The following XRN2 variants were observed in gnomAD, a reference collection of about 807,000 sequenced individuals.
XRN2 encodes 5'-3' exoribonuclease 2, also known as DHM1-like protein.
In XRN2, 44 loss-of-function variants were observed where a neutral mutation model predicts 138.5. The observed-to-expected ratio is 0.32, with a 90% confidence interval of 0.25 to 0.41. XRN2 has a LOEUF of 0.41. Ranked by LOEUF, XRN2 falls within the 10% of genes least tolerant of loss-of-function variation. XRN2 has a pLI of 1.00. For synonymous variants in XRN2, 354 were observed against 369.4 expected (o/e 0.96, Z 0.48); for missense variants, 937 against 1,169.3 (o/e 0.80, Z 2.90).
chr20:21,361,499 A>G (rs2038636768), intron 24 of XRN2, among the ~76,000 whole-genome samples: 1 of 152,198 alleles, frequency 6.6e-6, no homozygotes, highest in Non-Finnish European at 1.5e-5. Context: ...TCTAAACACA[A>G]GTCTCTTACC....
intron 24 of XRN2, among the ~76,000 whole-genome samples, 193 bp from the exon 25 acceptor site, chr20:21,365,228 G>T (rs1271484899): frequency 6.6e-6 from 1 of 152,130 alleles, no homozygotes; most frequent in Non-Finnish European, 1.5e-5. Flanking sequence ...TTCCCTCAGA[G>T]AAAGTTACAT....
intron 27 of XRN2, among the ~76,000 whole-genome samples, chr20:21,380,646 G>A (rs867090537): frequency 1.3e-5 from 2 of 152,202 alleles, no homozygotes; most frequent in African/African-American, 2.4e-5. Flanking sequence ...AATAAAAAAG[G>A]AACTTAATTC....
intron 8 of XRN2, 85 bp downstream of exon 8, chr20:21,331,903 G>C: frequency 6.8e-7 from 1 of 1,470,970 alleles, no homozygotes; most frequent in South Asian, 1.2e-5. Flanking sequence ...ATTATTCATG[G>C]TTACCTGGAA....
intron 4 of XRN2, among the ~76,000 whole-genome samples, chr20:21,330,066 G>A (rs1278830766): frequency 6.6e-6 from 1 of 152,056 alleles, no homozygotes; most frequent in Non-Finnish European, 1.5e-5. Context: ...GCAGATGACT[G>A]GAGGTCAGGA....
At chr20:21,331,684 A>T in intron 7 of XRN2, 51 bp downstream of exon 7, 1 of 1,597,540 alleles carries the variant, frequency 6.3e-7, no homozygotes, top group Non-Finnish European at 8.5e-7. Context: ...TTAAAAAGCC[A>T]TTGCATAGAA....
intron 27 of XRN2, 35 bp downstream of exon 27, chr20:21,368,625 A>C: frequency 6.2e-7 from 1 of 1,608,006 alleles, no homozygotes; most frequent in Non-Finnish European, 8.5e-7. Flanking sequence ...TTACATTATA[A>C]ATTAAATATC....
chr20:21,362,713 G>A (rs1321243030), intron 24 of XRN2, among the ~76,000 whole-genome samples: 1 of 152,080 alleles, frequency 6.6e-6, no homozygotes, highest in Admixed American at 6.5e-5. Context: ...CCCCACTTCT[G>A]CTCAAATGCG....
At chr20:21,389,143 C>A in intron 29 of XRN2, 130 bp from the exon 30 acceptor site, 1 of 745,710 alleles carries the variant, frequency 1.3e-6, no homozygotes, top group Non-Finnish European at 2.1e-6. Context: ...TTTATGGGGC[C>A]TTTCCATGTG....
intron 13 of XRN2, among the ~76,000 whole-genome samples, chr20:21,336,317 C>T (rs1299801877): frequency 6.6e-6 from 1 of 152,068 alleles, no homozygotes; most frequent in Non-Finnish European, 1.5e-5. Flanking sequence ...AAAATTTAAG[C>T]TGGGCGTGGT....
At chr20:21,342,161 C>T (rs1230085241) in intron 15 of XRN2, among the ~76,000 whole-genome samples, 1 of 152,064 alleles carries the variant, frequency 6.6e-6, no homozygotes, top group African/African-American at 2.4e-5. Flanking sequence ...GTCAAATTAC[C>T]AGTTTATTTA....
chr20:21,381,984 T>G lies in XRN2; in HGVS notation c.2585-10T>G. 1 of 1,605,526 alleles carries G rather than the reference T, an allele frequency of 6.2e-7. No homozygotes were observed. Among genetic ancestry groups the G allele is most frequent in the Non-Finnish European group, 8.5e-7 (1 of 1,176,258 alleles). ...AAAATCTTCTTAACCCTTTCCTGTT[T>G]CTTTTTCAGATATGAGGCCCCAGGA... On this transcript the variant is annotated splice_polypyrimidine_tract_variant and intron_variant, in intron 27 of 29. Transcript: ENST00000377191.
chr20:21,316,146 C>T (rs2037956138), intron 1 of XRN2, among the ~76,000 whole-genome samples: 1 of 152,088 alleles, frequency 6.6e-6, no homozygotes, highest in Non-Finnish European at 1.5e-5. Flanking sequence ...CCCAGCTACT[C>T]AGGAGGCTGG....
Position 21,317,651 on chromosome 20 carries a change from T to G in XRN2, c.76-8628T>G, listed in dbSNP as rs371482196. On this transcript the variant is annotated intron_variant, in intron 1 of 29. Transcript: ENST00000377191. The stretch of plus-strand genomic sequence containing the variant: ...ACATCTTCTCGTATATTTTAAATAG[T>G]CTCTGGGTTACTTAAATACCTGGTA... 6.6e-5 allele frequency among the ~76,000 whole-genome samples: 10 copies of G among 152,186 alleles called. No homozygotes were observed. In the East Asian group the frequency reaches 1.5e-3, roughly 23 times the overall value.
chr20:21,364,797 C>G (rs1164267873), intron 24 of XRN2, among the ~76,000 whole-genome samples: 1 of 144,392 alleles, frequency 6.9e-6, no homozygotes, highest in East Asian at 2.0e-4. Flanking sequence ...CAGGGCGAGA[C>G]CTGTCTCAAA....
At chr20:21,315,013 C>T (rs966219000) in intron 1 of XRN2, among the ~76,000 whole-genome samples, 1 of 152,152 alleles carries the variant, frequency 6.6e-6, no homozygotes, top group African/African-American at 2.4e-5. Context: ...GGAGAGGAAC[C>T]CTGAAAGGCA....
In XRN2 at chr20:21,349,385, A is replaced by G. The variant is rs1228997009; in HGVS notation, c.1864-4A>G. On this transcript the variant is annotated splice_region_variant and splice_polypyrimidine_tract_variant and intron_variant, in intron 19 of 29. Transcript: ENST00000377191. ...TTGATTCTTTACTTTTCTCCCTAAT[A>G]TAGGATTCTAGTATAATTGACTTCT... 5 of 1,562,686 alleles carry G rather than the reference A, an allele frequency of 3.2e-6. No homozygotes were observed. In the South Asian group the frequency reaches 3.4e-5, roughly 11 times the overall value.
Position 21,339,095 on chromosome 20 carries a change from TTTAA to T in XRN2, c.1278+14_1278+17del. ...AAAAAGAAAGAGAATGAAGGTGAGT[TTTAA>T]TTAATTTCATGAGATTGGCAATAGC... On this transcript the variant is annotated splice_region_variant and intron_variant, in intron 14 of 29. Coordinates refer to ENST00000377191, the MANE Select transcript of XRN2 (RefSeq NM_012255.5). 4 of 1,603,162 alleles carry T rather than the reference TTTAA, an allele frequency of 2.5e-6. No individual in the cohort carries two copies. Among genetic ancestry groups the T allele is most frequent in the Non-Finnish European group, 3.4e-6 (4 of 1,173,312 alleles).
At chr20:21,350,296 G>C (rs2038490108) in intron 20 of XRN2, among the ~76,000 whole-genome samples, 1 of 152,060 alleles carries the variant, frequency 6.6e-6, no homozygotes, top group Non-Finnish European at 1.5e-5. Context: ...GGAGGCCAAG[G>C]CGGGCGGATC....
At chr20:21,372,796 T>A (rs768477760) in intron 27 of XRN2, among the ~76,000 whole-genome samples, 2 of 151,642 alleles carry the variant, frequency 1.3e-5, no homozygotes, top group Non-Finnish European at 2.9e-5. Flanking sequence ...AAGCCCCCCA[T>A]TGTGTCCTTT....
Sources: gnomAD v4.1 joint callset for allele counts (sites outside exome capture counted in the v4.1 genomes callset) on GRCh38, gnomAD v4.1.1 for gene constraint, MANE v1.5 for transcripts, NCBI Gene and HGNC (gene_info 2026-07-23, HGNC 2026-07-21) for gene names.